Variants in IGSF10 observed in about 807,000 individuals in gnomAD.
The protein encoded by IGSF10 is calvaria mechanical force protein 608.
Under a neutral mutation model 128.2 loss-of-function variants are expected in IGSF10, and 126 were observed. The ratio of observed to expected loss-of-function variants is 0.98; its 90% CI spans 0.85 to 1.14. The LOEUF (loss-of-function observed/expected upper bound fraction) is 1.14, where lower values mean the gene tolerates loss of function less well. Among genes scored for constraint, IGSF10 ranks in the 50% most tolerant of loss-of-function variants. The probability of loss-of-function intolerance (pLI) is 0.00; values close to 1 mark genes in which losing one functional copy is unlikely to be tolerated. For synonymous variants in IGSF10, 1,185 were observed against 1,146.2 expected (o/e 1.03, Z -0.68); for missense variants, 3,295 against 3,149.8 (o/e 1.05, Z -1.10).
the IGSF10 span, among the ~76,000 whole-genome samples, chr3:151,524,786 CATAA>C: frequency 2.6e-5 from 4 of 151,976 alleles, no homozygotes; most frequent in Non-Finnish European, 5.9e-5. Context: ...GTTAAAAATA[CATAA>C]ATAGATATTC....
the IGSF10 span, among the ~76,000 whole-genome samples, chr3:151,500,108 T>A: frequency 1.3e-5 from 2 of 152,322 alleles, no homozygotes; most frequent in Middle Eastern, 3.4e-3. Flanking sequence ...TTATCCATTG[T>A]AGCCAACTCA....
downstream of IGSF10, chr3:151,433,640 G>T (rs955033140): frequency 6.6e-6 from 1 of 152,418 alleles, no homozygotes; most frequent in African/African-American, 2.4e-5. Context: ...GCCAGTTTTG[G>T]TTCTCCTGAA....
the IGSF10 span, among the ~76,000 whole-genome samples, chr3:151,617,320 C>CTTCTTCTTCTTCTTCTTCTTCTTCT: frequency 8.5e-4 from 71 of 83,630 alleles, 9 homozygotes; most frequent in East Asian, 7.1e-3. Flanking sequence ...CTTCTTCTTC[C>CTTCTTCTTCTTCTTCTTCTTCTTCT]CCTCCTCCTC....
Position 151,453,573 on chromosome 3 carries a change from A to G in IGSF10, c.526T>C (p.Leu176=), listed in dbSNP as rs35723440. The change falls in exon 5 of 8, where the codon TTG becomes CTG. Residue 176 remains leucine (L), a synonymous_variant. Coordinates refer to ENST00000282466, the MANE Select transcript of IGSF10 (RefSeq NM_178822.5). ...ATTTTAAATATCTGGAGGTAGCTCA[A>G]AGAGACAAATGTATCTGGGTGGAGC... The part of the protein sequence containing the change: ...TKLHPDTFVS[L]SYLQIFKISF... 19,979 of 1,613,878 alleles carry G rather than the reference A, an allele frequency of 0.012. 314 individuals carry two copies. Among genetic ancestry groups the G allele is most frequent in the African/African-American group, 0.08 (5,974 of 75,004 alleles).
chr3:151,536,910 A>G, the IGSF10 span, among the ~76,000 whole-genome samples: 4 of 152,202 alleles, frequency 2.6e-5, no homozygotes, highest in African/African-American at 9.7e-5. Context: ...GACACAGGCA[A>G]ATTACCTTGG....
chr3:151,492,010 C>A, the IGSF10 span, among the ~76,000 whole-genome samples: 1 of 46,486 alleles, frequency 2.2e-5, no homozygotes, highest in Non-Finnish European at 3.8e-5. Flanking sequence ...ATAAATGAGA[C>A]CACACCAAAC....
At chr3:151,499,482 G>T in the IGSF10 span, among the ~76,000 whole-genome samples, 2 of 152,134 alleles carry the variant, frequency 1.3e-5, no homozygotes, top group African/African-American at 4.8e-5. Context: ...TTACAGCAGA[G>T]TTTTGCTCAG....
the IGSF10 span, among the ~76,000 whole-genome samples, chr3:151,547,020 C>CG: frequency 6.6e-6 from 1 of 152,142 alleles, no homozygotes; most frequent in East Asian, 1.9e-4. Flanking sequence ...ATCCACCCCC[C>CG]CCTTGGCCTC....
At chr3:151,546,206 C>T in the IGSF10 span, among the ~76,000 whole-genome samples, 1 of 152,080 alleles carries the variant, frequency 6.6e-6, no homozygotes, top group African/African-American at 2.4e-5. Flanking sequence ...TGGCAAGGCT[C>T]AGGGGGTGAT....
the IGSF10 span, among the ~76,000 whole-genome samples, chr3:151,490,101 G>C: frequency 6.6e-6 from 1 of 152,150 alleles, no homozygotes; most frequent in Non-Finnish European, 1.5e-5. Context: ...GTAGCTGAAT[G>C]AATTTTTAAA....
chr3:151,485,525 GA>G, the IGSF10 span, among the ~76,000 whole-genome samples: 283 of 152,198 alleles, frequency 1.9e-3, no homozygotes, highest in African/African-American at 6.5e-3. Flanking sequence ...TGAAATGAAA[GA>G]AAAAATGTAA....
At chr3:151,477,910 A>G in the IGSF10 span, among the ~76,000 whole-genome samples, 243 of 152,358 alleles carry the variant, frequency 1.6e-3, no homozygotes, top group Middle Eastern at 3.4e-3. Context: ...ATGCTCCAAT[A>G]AAACTTTATT....
intron 7 of IGSF10, among the ~76,000 whole-genome samples, chr3:151,441,897 TA>T (rs796345349): frequency 2.6e-5 from 4 of 152,058 alleles, no homozygotes; most frequent in Non-Finnish European, 5.9e-5. Flanking sequence ...CCGTCTCTAC[TA>T]AAAATACAAA....
In IGSF10 at chr3:151,437,217, T is replaced by A; in HGVS notation, c.7344A>T (p.Glu2448Asp). Reference protein sequence around the residue: ...APGTVKGISGESLSLHCVSDG... With the variant: ...APGTVKGISGDSLSLHCVSDG... Reference sequence around the variant, plus strand: ...CAGACACACAATGCAGTGATAGAGATTCTCCACTGATGCCTTTTACTGTCC... The same window carrying A: ...CAGACACACAATGCAGTGATAGAGAATCTCCACTGATGCCTTTTACTGTCC... Residue 2448 changes from glutamate (E) to aspartate (D), a missense_variant, in exon 8 of 8, where the codon GAA becomes GAT. Coordinates refer to ENST00000282466, the MANE Select transcript of IGSF10 (RefSeq NM_178822.5). 6.2e-7 allele frequency: 1 copy of A among 1,614,156 alleles called. No individual in the cohort carries two copies. The highest frequency in any genetic ancestry group is 8.5e-7 in the Non-Finnish European group (1 of 1,179,984).
chr3:151,607,696 G>C, the IGSF10 span, among the ~76,000 whole-genome samples: 1 of 151,966 alleles, frequency 6.6e-6, no homozygotes, highest in South Asian at 2.1e-4. Context: ...CGGATCACGA[G>C]GTCAGGAGAT....
At chr3:151,461,260 C>T, upstream of IGSF10, 1 of 985,366 alleles carries the variant, frequency 1.0e-6, no homozygotes, top group Non-Finnish European at 1.2e-6. Flanking sequence ...GGCTGGGTGG[C>T]AGAGCAGTTT....
the IGSF10 span, among the ~76,000 whole-genome samples, chr3:151,517,671 G>T: frequency 6.6e-6 from 1 of 151,920 alleles, no homozygotes; most frequent in Non-Finnish European, 1.5e-5. Flanking sequence ...GTAAGAATCT[G>T]ACCGAAAGGG....
chr3:151,555,445 AAAGT>A, the IGSF10 span, among the ~76,000 whole-genome samples: 2 of 152,226 alleles, frequency 1.3e-5, no homozygotes, highest in South Asian at 2.1e-4. Context: ...AAAATTCATC[AAAGT>A]AATATTGGGA....
chr3:151,445,993 T>A lies in IGSF10; in HGVS notation c.3988A>T (p.Ile1330Phe), dbSNP rs1356960877. The A allele has an allele frequency of 6.2e-7, 1 of 1,614,106 alleles. No individual in the cohort carries two copies. The highest frequency in any genetic ancestry group is 8.5e-7 in the Non-Finnish European group (1 of 1,180,050). Residue 1330 changes from isoleucine (I) to phenylalanine (F), a missense_variant, in exon 6 of 8, where the codon ATC (isoleucine) becomes TTC (phenylalanine). Coordinates refer to ENST00000282466, the MANE Select transcript of IGSF10 (RefSeq NM_178822.5). ...CTCTCTGTTTGGGTTTCATAAGTGA[T>A]GACAGATGCAGGGAAGGTAGGAGTT... is the stretch of plus-strand genomic sequence containing the variant. Reference protein sequence around the residue: ...ATTPTFPASVITYETQTERSR... With the variant: ...ATTPTFPASVFTYETQTERSR...
Sources: allele counts gnomAD v4.1 joint callset (sites outside exome capture counted in the v4.1 genomes callset), GRCh38; gene constraint gnomAD v4.1.1; transcripts MANE v1.5; gene names NCBI Gene and HGNC (gene_info 2026-07-23, HGNC 2026-07-21).